Variants in RBFOX1 observed in about 807,000 individuals in gnomAD.
The protein encoded by RBFOX1 is RNA binding protein fox-1 homolog 1.
Under a neutral mutation model 57.7 loss-of-function variants are expected in RBFOX1, and 8 were observed. That is an observed-to-expected ratio of 0.14 (90% CI 0.08 to 0.25). The LOEUF is 0.25. Among genes scored for constraint, RBFOX1 ranks in the 10% least tolerant of loss-of-function variants. The pLI is 1.00. For missense variants in RBFOX1, 611 were observed against 548.5 expected, an observed-to-expected ratio of 1.11 and a Z score of -1.14; for synonymous variants, 326 against 222.4, an observed-to-expected ratio of 1.47 and a Z score of -4.15.
At position 5,562,290 on chromosome 16, in the gene RBFOX1, C is replaced by T. The variant is rs527510797; in HGVS notation, c.259-36612C>T. On this transcript the variant is annotated intron_variant, in intron 2 of 2. Coordinates refer to the RBFOX1 transcript ENST00000585867. ...GTCAAGTAGGACCCAGAGCCTCCAG[C>T]AGTCCTACTTAGAAGTCAGACAGCT... Among the ~76,000 whole-genome samples, 5 of 152,318 alleles carry T rather than the reference C, an allele frequency of 3.3e-5. 1 individual carries two copies. In the East Asian group the frequency reaches 7.7e-4, roughly 24 times the overall value.
intron 4 of RBFOX1, among the ~76,000 whole-genome samples, chr16:7,314,433 T>C (rs1346496155): frequency 6.6e-6 from 1 of 152,212 alleles, no homozygotes; most frequent in African/African-American, 2.4e-5. Flanking sequence ...ACAACCTTCC[T>C]GAGCTCTGAG....
chr16:7,635,007 A>G (rs1322665913), intron 11 of RBFOX1, among the ~76,000 whole-genome samples: 6 of 152,208 alleles, frequency 3.9e-5, no homozygotes, highest in Admixed American at 2.0e-4. Flanking sequence ...GCTGCTTGGT[A>G]TGTGGACTGT....
At chr16:7,210,186 C>G (rs916534267) in intron 4 of RBFOX1, among the ~76,000 whole-genome samples, 1 of 152,154 alleles carries the variant, frequency 6.6e-6, no homozygotes, top group African/African-American at 2.4e-5. Flanking sequence ...CAAGATCCCA[C>G]ACAAGAAACA....
intron 2 of RBFOX1, among the ~76,000 whole-genome samples, chr16:6,564,974 G>C (rs1238741371): frequency 6.6e-6 from 1 of 151,804 alleles, no homozygotes; most frequent in African/African-American, 2.4e-5. Flanking sequence ...AACCCCATTT[G>C]TACTAAAAAT....
chr16:6,245,129 G>T (rs1170770520), intron 1 of RBFOX1, among the ~76,000 whole-genome samples: 1 of 152,130 alleles, frequency 6.6e-6, no homozygotes, highest in African/African-American at 2.4e-5. Context: ...AAACTGATAG[G>T]TGTATGTGAA....
intron 1 of RBFOX1, among the ~76,000 whole-genome samples, chr16:5,403,583 T>G (rs202201363): frequency 1.5e-4 from 23 of 152,156 alleles, no homozygotes; most frequent in African/African-American, 5.1e-4. Context: ...TAGCTGGGAT[T>G]ACAGGTGCAT....
chr16:7,211,926 C>T (rs1310298469), intron 4 of RBFOX1, among the ~76,000 whole-genome samples: 3 of 152,134 alleles, frequency 2.0e-5, no homozygotes, highest in Admixed American at 6.5e-5. Context: ...CCCACAGGCG[C>T]CGTAAATTGC....
chr16:5,490,849 A>T (rs1056859512), intron 2 of RBFOX1, among the ~76,000 whole-genome samples: 1 of 152,210 alleles, frequency 6.6e-6, no homozygotes, highest in Non-Finnish European at 1.5e-5. Flanking sequence ...CACACTGAGT[A>T]CAACGATTAA....
chr16:7,178,434 T>C (rs2082084998), intron 4 of RBFOX1, among the ~76,000 whole-genome samples: 1 of 152,136 alleles, frequency 6.6e-6, no homozygotes, highest in African/African-American at 2.4e-5. Context: ...GAGAGAGAAA[T>C]TGGATATGGG....
intron 4 of RBFOX1, among the ~76,000 whole-genome samples, chr16:7,400,274 G>A (rs1173004763): frequency 6.6e-6 from 1 of 152,144 alleles, no homozygotes; most frequent in Admixed American, 6.5e-5. Flanking sequence ...GATTCTGTAG[G>A]TAGAGGGGAG....
chr16:6,731,449 G>C (rs1603470233), intron 3 of RBFOX1, among the ~76,000 whole-genome samples: 1 of 152,104 alleles, frequency 6.6e-6, no homozygotes, highest in African/African-American at 2.4e-5. Flanking sequence ...CATCCTGTGG[G>C]TTTGCCATCT....
Position 6,477,801 on chromosome 16 carries a change from T to G in RBFOX1, c.-64+160744T>G, listed in dbSNP as rs534180761. Reference sequence around the variant, plus strand: ...TCTACACTGAAAATCTGTCATTTAGTGTAGCCACCTTCGTCAGTGATCTTA... The same window carrying G: ...TCTACACTGAAAATCTGTCATTTAGGGTAGCCACCTTCGTCAGTGATCTTA... On this transcript the variant is annotated intron_variant, in intron 2 of 15. Transcript: ENST00000550418. Among the ~76,000 whole-genome samples, 4 of 152,362 alleles carry G rather than the reference T, an allele frequency of 2.6e-5. 1 individual carries two copies. The highest frequency in any genetic ancestry group is 9.6e-5 in the African/African-American group (4 of 41,596).
chr16:7,082,752 C>T (rs186942789), intron 4 of RBFOX1, among the ~76,000 whole-genome samples: 51 of 151,990 alleles, frequency 3.4e-4, no homozygotes, highest in African/African-American at 1.1e-3. Flanking sequence ...CAATGGCATT[C>T]AATTTCTGTA....
chr16:6,782,862 C>G (rs986624422), intron 3 of RBFOX1, among the ~76,000 whole-genome samples: 5 of 152,092 alleles, frequency 3.3e-5, no homozygotes, highest in African/African-American at 9.7e-5. Context: ...GTGCTGGGGT[C>G]TGTTTCTCTC....
At chr16:6,775,208 C>T (rs970382060) in intron 3 of RBFOX1, among the ~76,000 whole-genome samples, 13 of 149,458 alleles carry the variant, frequency 8.7e-5, no homozygotes, top group Non-Finnish European at 7.4e-5. Flanking sequence ...GTGGTTCGGA[C>T]GCCTGTAGTC....
chr16:5,608,967 T>C (rs937194128), intron 3 of RBFOX1, among the ~76,000 whole-genome samples: 1 of 152,208 alleles, frequency 6.6e-6, no homozygotes, highest in African/African-American at 2.4e-5. Flanking sequence ...CTTCCCCCCA[T>C]ATCCATTTCG....
intron 14 of RBFOX1, among the ~76,000 whole-genome samples, chr16:7,702,373 G>A (rs1019916026): frequency 6.6e-6 from 1 of 152,140 alleles, no homozygotes; most frequent in African/African-American, 2.4e-5. Context: ...AAGAAGCTGA[G>A]GGGACCTCTC....
chr16:6,650,093 G>C (rs745632502), intron 2 of RBFOX1, among the ~76,000 whole-genome samples: 11 of 152,138 alleles, frequency 7.2e-5, no homozygotes, highest in African/African-American at 1.2e-4. Context: ...GCAGTAGTCG[G>C]ATTGCTGGAT....
intron 1 of RBFOX1, among the ~76,000 whole-genome samples, chr16:5,307,956 G>A (rs1172734724): frequency 6.6e-6 from 1 of 152,168 alleles, no homozygotes; most frequent in East Asian, 1.9e-4. Flanking sequence ...GAAATTACAA[G>A]CTTGAACCAC....
Sources: gnomAD v4.1 joint callset for allele counts (sites outside exome capture counted in the v4.1 genomes callset) on GRCh38, gnomAD v4.1.1 for gene constraint, MANE v1.5 for transcripts, NCBI Gene and HGNC (gene_info 2026-07-23, HGNC 2026-07-21) for gene names.